RBFOX1: variants seen among roughly 807,000 people sequenced by gnomAD.
RBFOX1 encodes RNA binding fox-1 homolog 1.
Under a neutral mutation model 57.7 loss-of-function variants are expected in RBFOX1, and 8 were observed. The observed-to-expected ratio is 0.14, with a 90% CI of 0.08 to 0.25. The LOEUF (loss-of-function observed/expected upper bound fraction) is 0.25. RBFOX1 is among the 10% of genes least tolerant of loss of function. The pLI, the probability that RBFOX1 is intolerant of heterozygous loss-of-function variation, is 1.00. For synonymous variants in RBFOX1, 326 were observed against 222.4 expected (o/e 1.47, Z -4.15); for missense variants, 611 against 548.5 (o/e 1.11, Z -1.14).
At chr16:5,250,409 A>C (rs774231220) in intron 1 of RBFOX1, among the ~76,000 whole-genome samples, 17 of 150,276 alleles carry the variant, frequency 1.1e-4, no homozygotes, top group Non-Finnish European at 4.4e-5. Context: ...TTGTCATAAC[A>C]CTCTCCCTCC....
intron 4 of RBFOX1, among the ~76,000 whole-genome samples, chr16:7,455,467 T>G (rs1475093178): frequency 6.6e-6 from 1 of 152,100 alleles, no homozygotes; most frequent in Non-Finnish European, 1.5e-5. Flanking sequence ...TACATAGATA[T>G]GGACATTTTG....
intron 3 of RBFOX1, among the ~76,000 whole-genome samples, chr16:6,803,654 T>C (rs2086024183): frequency 6.6e-6 from 1 of 152,178 alleles, no homozygotes; most frequent in African/African-American, 2.4e-5. Flanking sequence ...TCTTTCACCA[T>C]TAATAATTTC....
intron 1 of RBFOX1, among the ~76,000 whole-genome samples, chr16:5,337,697 C>G (rs2064932667): frequency 6.6e-6 from 1 of 152,162 alleles, no homozygotes; most frequent in African/African-American, 2.4e-5. Context: ...GAGGTGAATC[C>G]TCATTCAAGC....
chr16:7,596,594 A>ATATACC (rs1418155936), intron 8 of RBFOX1, among the ~76,000 whole-genome samples: 6 of 152,012 alleles, frequency 3.9e-5, no homozygotes, highest in African/African-American at 9.7e-5. Flanking sequence ...ACATATATAT[A>ATATACC]TATACCACGT....
rs546867853 is a variant in RBFOX1, at chr16:7,138,717, C to T, written c.27+86619C>T. Among the ~76,000 whole-genome samples, 28 of 152,296 alleles carry T rather than the reference C, an allele frequency of 1.8e-4. 1 individual carries two copies. The South Asian group carries it at 5.4e-3, about 29-fold the overall frequency. ...CATCATCTCCCAGATATATAGGCTG[C>T]ATTTCTGCAGGCCGTATGCTTGAGA... On this transcript the variant is annotated intron_variant, in intron 4 of 15. Transcript: ENST00000550418.
intron 3 of RBFOX1, among the ~76,000 whole-genome samples, chr16:5,840,429 C>T (rs1466722112): frequency 6.6e-6 from 1 of 152,190 alleles, no homozygotes; most frequent in Non-Finnish European, 1.5e-5. Context: ...CCAGAGGATG[C>T]TGTGCTCTGC....
chr16:6,649,771 TGTA>T (rs1349228732), intron 2 of RBFOX1, among the ~76,000 whole-genome samples: 5 of 152,232 alleles, frequency 3.3e-5, no homozygotes, highest in African/African-American at 4.8e-5. Flanking sequence ...ATATATAAGA[TGTA>T]GTATTCCATT....
chr16:6,322,298 A>G (rs560614427), intron 2 of RBFOX1, among the ~76,000 whole-genome samples: 10 of 152,332 alleles, frequency 6.6e-5, no homozygotes, highest in East Asian at 1.9e-4. Flanking sequence ...TGGTTGTTGA[A>G]TAAGCTCATC....
chr16:7,018,275 A>G (rs932517851), intron 3 of RBFOX1, among the ~76,000 whole-genome samples: 1 of 152,138 alleles, frequency 6.6e-6, no homozygotes, highest in Non-Finnish European at 1.5e-5. Context: ...TCCTTATGCA[A>G]GGGGACTTCT....
At chr16:6,099,615 C>T (rs1336126194) in intron 1 of RBFOX1, among the ~76,000 whole-genome samples, 5 of 152,170 alleles carry the variant, frequency 3.3e-5, no homozygotes, top group Non-Finnish European at 5.9e-5. Context: ...GAGGTAGTGG[C>T]TGTACAACAA....
At chr16:7,593,598 T>A (rs1439816752) in intron 7 of RBFOX1, among the ~76,000 whole-genome samples, 1 of 152,174 alleles carries the variant, frequency 6.6e-6, no homozygotes, top group East Asian at 1.9e-4. Flanking sequence ...AAAGAAACGT[T>A]ATTTTTCTCG....
At chr16:5,616,393 C>T (rs867335064) in intron 3 of RBFOX1, among the ~76,000 whole-genome samples, 1 of 152,210 alleles carries the variant, frequency 6.6e-6, no homozygotes, top group African/African-American at 2.4e-5. Context: ...CAGCGAGGTC[C>T]AGGCGCTGCT....
intron 3 of RBFOX1, among the ~76,000 whole-genome samples, chr16:5,745,923 G>C (rs141651748): frequency 0.022 from 3,343 of 152,256 alleles, 112 homozygotes; most frequent in African/African-American, 0.075. Context: ...CTTTTGCTGT[G>C]CAGAAGCTCT....
intron 1 of RBFOX1, among the ~76,000 whole-genome samples, chr16:6,043,053 G>T (rs1475203296): frequency 6.9e-6 from 1 of 144,172 alleles, no homozygotes; most frequent in African/African-American, 2.6e-5. Context: ...GGGAGGCAGA[G>T]GTTGTGTTGA....
At chr16:5,718,976 A>AAG (rs1421904607) in intron 3 of RBFOX1, among the ~76,000 whole-genome samples, 1 of 151,892 alleles carries the variant, frequency 6.6e-6, no homozygotes, top group Non-Finnish European at 1.5e-5. Context: ...GTATAGTTAA[A>AAG]AAAAAAAAAC....
At chr16:5,596,492 C>T (rs1240318804) in intron 2 of RBFOX1, among the ~76,000 whole-genome samples, 2 of 152,120 alleles carry the variant, frequency 1.3e-5, no homozygotes, top group African/African-American at 2.4e-5. Flanking sequence ...ATTCATGCTG[C>T]CTGGGGCAGG....
At chr16:7,055,463 C>A (rs74008583) in intron 4 of RBFOX1, among the ~76,000 whole-genome samples, 2,806 of 152,290 alleles carry the variant, frequency 0.018, 77 homozygotes, top group African/African-American at 0.064. Flanking sequence ...GTTGGCCTTT[C>A]TTTCCTTCTT....
intron 3 of RBFOX1, among the ~76,000 whole-genome samples, chr16:5,793,587 C>G (rs1034852816): frequency 6.6e-6 from 1 of 152,162 alleles, no homozygotes; most frequent in Non-Finnish European, 1.5e-5. Context: ...CCAGGCCCCT[C>G]TCTTCACCTC....
At chr16:7,177,805 G>C (rs1309316794) in intron 4 of RBFOX1, among the ~76,000 whole-genome samples, 1 of 152,142 alleles carries the variant, frequency 6.6e-6, no homozygotes, top group Non-Finnish European at 1.5e-5. Flanking sequence ...AAGCCCCTGT[G>C]GACAATGCAT....
Sources: allele counts gnomAD v4.1 joint callset (sites outside exome capture counted in the v4.1 genomes callset), GRCh38; gene constraint gnomAD v4.1.1; transcripts MANE v1.5; gene names NCBI Gene and HGNC (gene_info 2026-07-23, HGNC 2026-07-21).